The following AGGF1 variants were observed in gnomAD, a reference collection of about 807,000 sequenced individuals.
AGGF1 encodes the protein angiogenic factor with G patch and FHA domains 1.
In AGGF1, 56 loss-of-function variants were observed where a neutral mutation model predicts 86.5. The ratio of observed to expected loss-of-function variants is 0.65; its 90% CI spans 0.52 to 0.81. The LOEUF is 0.81. AGGF1 is among the 30% of genes least tolerant of loss of function. The pLI is 0.00. For synonymous variants in AGGF1, 313 were observed against 297.1 expected, an observed-to-expected ratio of 1.05 and a Z score of -0.55; for missense variants, 816 against 850.9, an observed-to-expected ratio of 0.96 and a Z score of 0.51.
Position 77,051,984 on chromosome 5 carries a change from AT to A in AGGF1, c.1366-720del, listed in dbSNP as rs201220304. Among the ~76,000 whole-genome samples the A allele has an allele frequency of 4.9e-4, 75 of 152,348 alleles. 2 individuals are homozygous for A. In the East Asian group the frequency reaches 0.013, roughly 27 times the overall value. ...AGTGTTATGGAACAAGGAGGGAAAG[AT>A]TAGTCCTAACTATTGAACATCTTGG... is the stretch of plus-strand genomic sequence containing the variant. On this transcript the variant is annotated intron_variant, in intron 8 of 13. Coordinates refer to ENST00000312916, the MANE Select transcript of AGGF1 (RefSeq NM_018046.5).
At position 77,030,959 on chromosome 5, in the gene AGGF1, C is replaced by T; in HGVS notation, c.193C>T (p.Gln65Ter). The change falls in exon 1 of 14, where the codon CAG becomes TAG. Residue 65 changes from glutamine (Q) to a stop codon, truncating the protein, a stop_gained. Coordinates refer to ENST00000312916, the MANE Select transcript of AGGF1 (RefSeq NM_018046.5). LOFTEE classifies it high-confidence loss of function. The stretch of plus-strand genomic sequence containing the variant: ...GTACCAGAACGCAGAAAGCAACAAC[C>T]AGGAGCTCCGCACGCAGGTGCGCGG... ...RLYQNAESNN[Q>*]ELRTQVEELS... 7 of 1,612,394 alleles carry T rather than the reference C, an allele frequency of 4.3e-6. No homozygotes were observed. The highest frequency in any genetic ancestry group is 5.9e-6 in the Non-Finnish European group (7 of 1,179,962).
intron 1 of AGGF1, 127 bp downstream of exon 1, chr5:77,031,103 A>G: frequency 2.0e-6 from 2 of 1,014,716 alleles, no homozygotes; most frequent in South Asian, 2.7e-5. Flanking sequence ...GTAAATAAGT[A>G]GAAGCTCAGC....
chr5:77,046,732 G>A (rs1363872698), intron 6 of AGGF1, 55 bp downstream of exon 6: 3 of 1,486,370 alleles, frequency 2.0e-6, no homozygotes, highest in Non-Finnish European at 1.9e-6. Context: ...CTATAAAAGA[G>A]CAAAACCATT....
intron 11 of AGGF1, among the ~76,000 whole-genome samples, 192 bp from the exon 12 acceptor site, chr5:77,059,424 C>A (rs774629696): frequency 5.3e-5 from 8 of 152,142 alleles, no homozygotes; most frequent in Non-Finnish European, 7.3e-5. Flanking sequence ...TCTAGCTATC[C>A]TCTTGCCTCA....
At chr5:77,044,913 A>T (rs1747215733) in intron 5 of AGGF1, among the ~76,000 whole-genome samples, 1 of 152,132 alleles carries the variant, frequency 6.6e-6, no homozygotes, top group Non-Finnish European at 1.5e-5. Flanking sequence ...AAATAAAAAA[A>T]TTACCTGGGT....
intron 5 of AGGF1, among the ~76,000 whole-genome samples, chr5:77,045,021 C>A (rs1008749873): frequency 6.6e-6 from 1 of 150,764 alleles, no homozygotes; most frequent in Non-Finnish European, 1.5e-5. Flanking sequence ...GCCGAGATCG[C>A]GCCACTGCAC....
At chr5:77,032,392 C>T in intron 1 of AGGF1, among the ~76,000 whole-genome samples, 1 of 151,402 alleles carries the variant, frequency 6.6e-6, no homozygotes. Flanking sequence ...ACAGTAAAAC[C>T]CTGTCTCTAG....
chr5:77,033,557 T>C (rs1746910521), intron 1 of AGGF1, among the ~76,000 whole-genome samples: 1 of 152,208 alleles, frequency 6.6e-6, no homozygotes, highest in Non-Finnish European at 1.5e-5. Context: ...TGTACTTGCA[T>C]GAATCAGAGG....
chr5:77,032,359 A>G (rs1159336069), intron 1 of AGGF1, among the ~76,000 whole-genome samples: 1 of 151,620 alleles, frequency 6.6e-6, no homozygotes, highest in African/African-American at 2.4e-5. Flanking sequence ...CGAGGTCAGA[A>G]GATCGAGACC....
intron 2 of AGGF1, among the ~76,000 whole-genome samples, 193 bp from the exon 3 acceptor site, chr5:77,035,348 A>G (rs1487049740): frequency 2.0e-5 from 3 of 152,150 alleles, no homozygotes; most frequent in Non-Finnish European, 4.4e-5. Flanking sequence ...GAGACATTAG[A>G]ATCAAAGATA....
At chr5:77,061,840 A>C in intron 13 of AGGF1, 38 bp downstream of exon 13, 1 of 1,570,380 alleles carries the variant, frequency 6.4e-7, no homozygotes, top group Middle Eastern at 1.7e-4. Context: ...TTATTCCTAG[A>C]GCAGACATTT....
At chr5:77,047,004 C>T (rs995743) in intron 6 of AGGF1, among the ~76,000 whole-genome samples, 84,663 of 151,980 alleles carry the variant, frequency 0.56, 24,299 homozygotes, top group Non-Finnish European at 0.61. Context: ...ACTTTTGTAA[C>T]TGAGAGAGAA....
intron 8 of AGGF1, 121 bp downstream of exon 8, chr5:77,049,108 GTAA>G (rs1359290766): frequency 4.6e-6 from 4 of 868,112 alleles, no homozygotes; most frequent in Non-Finnish European, 7.4e-6. Flanking sequence ...TGTAGTAATG[GTAA>G]TAAAGGCAGT....
At chr5:77,043,700 G>A (rs1292517546) in intron 5 of AGGF1, among the ~76,000 whole-genome samples, 3 of 138,974 alleles carry the variant, frequency 2.2e-5, no homozygotes, top group Admixed American at 7.0e-5. Flanking sequence ...CCTCCCTCCC[G>A]GACGGGGTGG....
At chr5:77,053,810 G>A (rs1329974691) in intron 9 of AGGF1, among the ~76,000 whole-genome samples, 155 bp from the exon 10 acceptor site, 1 of 152,038 alleles carries the variant, frequency 6.6e-6, no homozygotes, top group African/African-American at 2.4e-5. Context: ...TTAAGTTGGG[G>A]AAGTGTGTGC....
At chr5:77,032,536 C>T (rs540525002) in intron 1 of AGGF1, among the ~76,000 whole-genome samples, 1 of 141,990 alleles carries the variant, frequency 7.0e-6, no homozygotes, top group South Asian at 2.2e-4. Context: ...TGCACTCCAG[C>T]CTGGGCGACA....
In AGGF1 at chr5:77,046,331, AC is replaced by A. The variant is rs775265192; in HGVS notation, c.871-13del. The A allele has an allele frequency of 2.5e-6, 4 of 1,600,676 alleles. No individual in the cohort carries two copies. Among genetic ancestry groups the A allele is most frequent in the Middle Eastern group, 1.7e-4 (1 of 5,922 alleles). On this transcript the variant is annotated splice_polypyrimidine_tract_variant and intron_variant, in intron 5 of 13. Coordinates refer to ENST00000312916, the MANE Select transcript of AGGF1 (RefSeq NM_018046.5). Reference sequence around the variant, plus strand: ...TATTCTCCCCTGTTCCCTCGTATCTACCCACCCTTCTCCAGGATTTGAACTC... The same window carrying A: ...TATTCTCCCCTGTTCCCTCGTATCTACCACCCTTCTCCAGGATTTGAACTC...
chr5:77,041,785 TTTTA>T lies in AGGF1; in HGVS notation c.870+2094_870+2097del, dbSNP rs1312253497. 7.1e-4 allele frequency among the ~76,000 whole-genome samples: 80 copies of T among 113,028 alleles called. 1 individual carries two copies. Among genetic ancestry groups the T allele is most frequent in the East Asian group, 2.0e-3 (8 of 4,044 alleles). 74.2% of individuals were successfully genotyped at this position (113,028 alleles called of 152,430 possible). On this transcript the variant is annotated intron_variant, in intron 5 of 13. Coordinates refer to ENST00000312916, the MANE Select transcript of AGGF1 (RefSeq NM_018046.5). ...GTGCGAATTCCAAGACAAGAACTTT[TTTTA>T]TTTATTTATTTATTTATTTATTTAT...
Position 77,046,643 on chromosome 5 carries a change from A to T in AGGF1, c.1167A>T (p.Glu389Asp). 1 of 1,614,080 alleles carries T rather than the reference A, an allele frequency of 6.2e-7. No homozygotes were observed. The highest frequency in any genetic ancestry group is 1.3e-5 in the African/African-American group (1 of 75,068). ...EDSYDEAITS[E>D]GNVTAEDSED... ...GTTATGACGAAGCCATTACCAGTGAAGGCAATGTAACTGCAGAAGATAGTG... is the reference window on the plus strand; with the variant it reads ...GTTATGACGAAGCCATTACCAGTGATGGCAATGTAACTGCAGAAGATAGTG... The change falls in exon 6 of 14, where the codon GAA becomes GAT. Residue 389 changes from glutamate (E) to aspartate (D), a missense_variant. Transcript: ENST00000312916.
Sources: allele counts gnomAD v4.1 joint callset (sites outside exome capture counted in the v4.1 genomes callset), GRCh38; gene constraint gnomAD v4.1.1; transcripts MANE v1.5; gene names NCBI Gene and HGNC (gene_info 2026-07-23, HGNC 2026-07-21).